Variants in LRP1B observed in about 807,000 individuals in gnomAD.
LRP1B encodes the protein LDL receptor related protein 1B, also known as low-density lipoprotein receptor-related protein 1B.
LRP1B carries 217 observed loss-of-function variants against 556.6 expected under a neutral mutation model. The ratio of observed to expected loss-of-function variants is 0.39; its 90% confidence interval spans 0.35 to 0.44. LRP1B has a LOEUF of 0.44. Ranked by LOEUF, LRP1B falls within the 20% of genes least tolerant of loss-of-function variation. The probability of loss-of-function intolerance (pLI) is 1.00; values close to 1 mark genes in which losing one functional copy is unlikely to be tolerated. For synonymous variants in LRP1B, 2,047 were observed against 1,865.8 expected (o/e 1.10, Z -2.50); for missense variants, 5,053 against 5,620.8 (o/e 0.90, Z 3.23).
intron 35 of LRP1B, among the ~76,000 whole-genome samples, chr2:140,736,487 G>C (rs1253499143): frequency 6.6e-6 from 1 of 152,094 alleles, no homozygotes; most frequent in Non-Finnish European, 1.5e-5. Context: ...ATACTACAAG[G>C]CTACAGTAAC....
intron 6 of LRP1B, among the ~76,000 whole-genome samples, chr2:141,211,979 C>T (rs1207202089): frequency 6.6e-6 from 1 of 152,016 alleles, no homozygotes; most frequent in Non-Finnish European, 1.5e-5. Context: ...AGAAAAAAGC[C>T]ACTTTTATGT....
chr2:141,674,329 A>G (rs1574226399), intron 2 of LRP1B, among the ~76,000 whole-genome samples: 1 of 152,028 alleles, frequency 6.6e-6, no homozygotes, highest in African/African-American at 2.4e-5. Flanking sequence ...TTGCCTGTTG[A>G]CCAATACTGA....
intron 32 of LRP1B, among the ~76,000 whole-genome samples, chr2:140,779,681 C>A (rs746202945): frequency 1.7e-5 from 2 of 115,612 alleles, no homozygotes; most frequent in Non-Finnish European, 3.3e-5. Context: ...GGTGACAGAG[C>A]GAGACTCTGT....
At chr2:140,950,096 A>C in intron 20 of LRP1B, 139 bp downstream of exon 20, 1 of 539,298 alleles carries the variant, frequency 1.9e-6, no homozygotes, top group Non-Finnish European at 3.0e-6. Context: ...GAGATAGCAA[A>C]TGATTTTACA....
intron 71 of LRP1B, among the ~76,000 whole-genome samples, chr2:140,370,492 T>C (rs1245056995): frequency 6.6e-6 from 1 of 152,016 alleles, no homozygotes; most frequent in African/African-American, 2.4e-5. Flanking sequence ...ACTTGCCCTG[T>C]GTTCGTGTTT....
At chr2:140,884,952 A>T (rs771260289) in intron 24 of LRP1B, among the ~76,000 whole-genome samples, 1 of 152,126 alleles carries the variant, frequency 6.6e-6, no homozygotes, top group South Asian at 2.1e-4. Flanking sequence ...GGGCTTAAAC[A>T]TCTGTCTGTC....
In LRP1B at chr2:142,000,436, G is replaced by A. The variant is rs904043432; in HGVS notation, c.82+130212C>T. 3.3e-5 allele frequency among the ~76,000 whole-genome samples: 5 copies of A among 152,272 alleles called. No homozygotes were observed. In the East Asian group the frequency reaches 5.8e-4, roughly 18 times the overall value. Reference sequence around the variant, plus strand: ...TACAATCATTTCTTACAACAATAGTGAAGTGGTGATTACTGTTAACATTTA... The same window carrying A: ...TACAATCATTTCTTACAACAATAGTAAAGTGGTGATTACTGTTAACATTTA... On this transcript the variant is annotated intron_variant, in intron 1 of 90. Coordinates refer to ENST00000389484, the MANE Select transcript of LRP1B (RefSeq NM_018557.3).
At chr2:140,825,421 G>A (rs545807673) in intron 31 of LRP1B, among the ~76,000 whole-genome samples, 1 of 151,646 alleles carries the variant, frequency 6.6e-6, no homozygotes, top group African/African-American at 2.4e-5. Flanking sequence ...CACATTATAG[G>A]AAGTCCTTTT....
At chr2:140,347,044 A>T (rs1433374019) in intron 77 of LRP1B, among the ~76,000 whole-genome samples, 1 of 151,952 alleles carries the variant, frequency 6.6e-6, no homozygotes, top group Admixed American at 6.6e-5. Flanking sequence ...AGTGGTAAAA[A>T]TTTAATCTGT....
intron 35 of LRP1B, among the ~76,000 whole-genome samples, chr2:140,750,006 A>G (rs772944485): frequency 1.3e-5 from 2 of 151,908 alleles, no homozygotes; most frequent in Non-Finnish European, 2.9e-5. Context: ...TTATGGGACC[A>G]CCTTTGTGTA....
At chr2:141,729,220 A>G (rs1487650619) in intron 2 of LRP1B, among the ~76,000 whole-genome samples, 2 of 152,140 alleles carry the variant, frequency 1.3e-5, no homozygotes, top group African/African-American at 4.8e-5. Flanking sequence ...TTCCCCTGAC[A>G]GCTTTACCAC....
At position 140,994,042 on chromosome 2, in the gene LRP1B, C is replaced by T. The variant is rs2105358894; in HGVS notation, c.2597G>A (p.Gly866Asp). 1 of 1,612,698 alleles carries T rather than the reference C, an allele frequency of 6.2e-7. No individual in the cohort carries two copies. Among genetic ancestry groups the T allele is most frequent in the Non-Finnish European group, 8.5e-7 (1 of 1,179,120 alleles). The change falls in exon 16 of 91, where the codon GGC becomes GAC. Residue 866 changes from glycine (G) to aspartate (D), a missense_variant. By Grantham distance (94) the Gly-to-Asp change is moderately conservative. Coordinates refer to ENST00000389484, the MANE Select transcript of LRP1B (RefSeq NM_018557.3). ...HCIQARWKCD[G>D]DDDCLDGSDE... is the part of the protein sequence containing the mutation. ...GCTTCCGTCTAGGCAGTCATCGTCG[C>T]CATCACATTTCCACCGAGCTTGGAT... is the stretch of plus-strand genomic sequence containing the variant.
At chr2:140,737,354 ACT>A (rs1440816384) in intron 35 of LRP1B, among the ~76,000 whole-genome samples, 1 of 152,126 alleles carries the variant, frequency 6.6e-6, no homozygotes, top group Non-Finnish European at 1.5e-5. Flanking sequence ...GTCTGAATAA[ACT>A]CTGATGACCC....
At chr2:141,330,545 A>G (rs1478706844) in intron 3 of LRP1B, among the ~76,000 whole-genome samples, 1 of 152,198 alleles carries the variant, frequency 6.6e-6, no homozygotes, top group African/African-American at 2.4e-5. Context: ...CCAGAACAAT[A>G]TCTTGTTCTT....
chr2:141,770,719 C>G lies in LRP1B; in HGVS notation c.205+39560G>C, dbSNP rs898093139. Reference sequence around the variant, plus strand: ...ATGCCCAGTAGAGAGTGCAGTGAGGCGCCACCTCCCTACAGGCGCTGTCTT... The same window carrying G: ...ATGCCCAGTAGAGAGTGCAGTGAGGGGCCACCTCCCTACAGGCGCTGTCTT... On this transcript the variant is annotated intron_variant, in intron 2 of 90. Coordinates refer to ENST00000389484, the MANE Select transcript of LRP1B (RefSeq NM_018557.3). Among the ~76,000 whole-genome samples, 5 of 152,306 alleles carry G rather than the reference C, an allele frequency of 3.3e-5. No individual in the cohort carries two copies. In the South Asian group the frequency reaches 1.0e-3, roughly 32 times the overall value.
At chr2:141,615,906 C>T (rs895685254) in intron 2 of LRP1B, among the ~76,000 whole-genome samples, 12 of 152,046 alleles carry the variant, frequency 7.9e-5, no homozygotes, top group East Asian at 1.9e-4. Flanking sequence ...TCCAAGCTTC[C>T]GCAGAATATA....
chr2:140,732,323 C>G (rs779634669), intron 35 of LRP1B, among the ~76,000 whole-genome samples: 4 of 152,102 alleles, frequency 2.6e-5, no homozygotes, highest in Non-Finnish European at 5.9e-5. Flanking sequence ...AAAGTTATGT[C>G]TAATCTTTGA....
At chr2:140,454,988 T>C (rs1213392576) in intron 62 of LRP1B, among the ~76,000 whole-genome samples, 1 of 152,298 alleles carries the variant, frequency 6.6e-6, no homozygotes, top group Admixed American at 6.5e-5. Context: ...GACTGATATA[T>C]GTATGATCAT....
In LRP1B at chr2:140,232,436, T is replaced by C. The variant is rs1680513374; in HGVS notation, c.*750A>G. ...AGGGAGAATAAAAGGTCTTATTCCA[T>C]AGCAAGTGCAGTCGGCCAACTTTCG... is the stretch of plus-strand genomic sequence containing the variant. On this transcript the variant is annotated 3_prime_UTR_variant, in exon 91 of 91. Coordinates refer to ENST00000389484, the MANE Select transcript of LRP1B (RefSeq NM_018557.3). 1.3e-5 allele frequency: 2 copies of C among 151,650 alleles called. No homozygotes were observed. The highest frequency in any genetic ancestry group is 2.4e-5 in the African/African-American group (1 of 41,312). 9.4% of individuals were successfully genotyped at this position (151,650 alleles called of 1,614,324 possible).
Sources: allele counts gnomAD v4.1 joint callset (sites outside exome capture counted in the v4.1 genomes callset), GRCh38; gene constraint gnomAD v4.1.1; transcripts MANE v1.5; gene names NCBI Gene and HGNC (gene_info 2026-07-23, HGNC 2026-07-21).